SHH: variants seen among roughly 807,000 people sequenced by gnomAD.
SHH encodes sonic hedgehog signaling molecule.
SHH carries 3 observed loss-of-function variants against 16.6 expected under a neutral mutation model. That is an observed-to-expected ratio of 0.18 (90% confidence interval 0.08 to 0.47). SHH has a LOEUF of 0.47. Ranked by LOEUF, SHH falls within the 20% of genes least tolerant of loss-of-function variation. The pLI, the probability that SHH is intolerant of heterozygous loss-of-function variation, is 0.98. For synonymous variants in SHH, 351 were observed against 316.2 expected, an observed-to-expected ratio of 1.11 and a Z score of -1.17; for missense variants, 499 against 665.0, an observed-to-expected ratio of 0.75 and a Z score of 2.75.
At position 155,803,495 on chromosome 7, in the gene SHH, A is replaced by G; in HGVS notation, c.794T>C (p.Leu265Pro). The change falls in exon 3 of 3, where the codon CTG becomes CCG. Residue 265 changes from leucine to proline, a missense_variant. Around this residue, in one of 4 missense-constraint regions of SHH, gnomAD observed 114 missense variants for 200.4 expected, o/e 0.57. Coordinates refer to ENST00000297261, the MANE Select transcript of SHH (RefSeq NM_000193.4). ...IETREPRERLLLTAAHLLFVA... is the reference protein window; with the variant it reads ...IETREPRERLPLTAAHLLFVA... ...AAAGAGCAGGTGCGCGGCGGTGAGC[A>G]GCAGGCGCTCGCGCGGCTCCCGCGT... 1 of 1,572,656 alleles carries G rather than the reference A, an allele frequency of 6.4e-7. No homozygotes were observed. The highest frequency in any genetic ancestry group is 8.6e-7 in the Non-Finnish European group (1 of 1,164,070).
chr7:155,803,111 G>C lies in SHH; in HGVS notation c.1178C>G (p.Ala393Gly), dbSNP rs751239867. 6.5e-5 allele frequency: 87 copies of C among 1,348,630 alleles called. No homozygotes were observed. The Middle Eastern group carries it at 1.4e-3, about 21-fold the overall frequency. The allele number at this position is 1,348,630 out of a possible 1,614,324, so 83.5% of individuals were successfully genotyped here. ...AHALLAALAP[A>G]RTDRGGDSGG... ...GCTGTCCCCGCCGCGGTCCGTGCGC[G>C]CGGGCGCCAGTGCAGCCAGGAGCGC... The change falls in exon 3 of 3, where the codon GCG (alanine) becomes GGG (glycine). Residue 393 changes from alanine to glycine, a missense_variant. By Grantham distance (60) the Ala-to-Gly change is moderately conservative (BLOSUM62 0). Around this residue, in one of 4 missense-constraint regions of SHH, gnomAD observed 299 missense variants for 301.1 expected, o/e 0.99. Coordinates refer to ENST00000297261, the MANE Select transcript of SHH (RefSeq NM_000193.4).
Position 155,803,317 on chromosome 7 carries a change from G to A in SHH, c.972C>T (p.Asp324=), listed in dbSNP as rs765693103. ...GCACAGCGGCGGGCAGGAGCCGGCG[G>A]TCCCCGTCACGCTCGGCCACCACGT... The part of the protein sequence containing the change: ...RVYVVAERDG[D]RRLLPAAVHS... Residue 324 remains aspartate, a synonymous_variant, in exon 3 of 3, where the codon GAC becomes GAT. Transcript: ENST00000297261. 2.5e-5 allele frequency: 37 copies of A among 1,476,782 alleles called. No homozygotes were observed. In the South Asian group the frequency reaches 4.6e-4, roughly 19 times the overall value. 91.5% of individuals were successfully genotyped at this position (1,476,782 alleles called of 1,614,324 possible).
At chr7:155,805,756 G>A (rs975184557) in intron 2 of SHH, among the ~76,000 whole-genome samples, 1 of 152,206 alleles carries the variant, frequency 6.6e-6, no homozygotes, top group African/African-American at 2.4e-5. Context: ...GCCTCCAGAT[G>A]CTGGAGGTGG....
In SHH at chr7:155,800,887, C is replaced by A. The variant is rs999231618; in HGVS notation, c.*2013G>T. ...AGTCTGTTCACTCCTGTTCCCTAAG[C>A]CTGGACCACCTTCTACACAGGCTGC... On this transcript the variant is annotated 3_prime_UTR_variant, in exon 3 of 3. Transcript: ENST00000297261. 3.2e-5 allele frequency: 10 copies of A among 311,552 alleles called. No homozygotes were observed. The Admixed American group carries it at 4.1e-4, about 13-fold the overall frequency. The allele number at this position is 311,552 out of a possible 1,614,324, so 19.3% of individuals were successfully genotyped here.
rs981481814 is a variant in SHH, at chr7:155,800,659, G to C, written c.*2241C>G. 8.5e-6 allele frequency: 4 copies of C among 470,420 alleles called. No homozygotes were observed. Among genetic ancestry groups the C allele is most frequent in the Non-Finnish European group, 1.8e-5 (4 of 227,022 alleles). 29.1% of individuals were successfully genotyped at this position (470,420 alleles called of 1,614,324 possible). ...GATTGTAAACACCAGCCTGGAACCT[G>C]CTGACCACCTAGAACACCAAAGAAA... On this transcript the variant is annotated 3_prime_UTR_variant, in exon 3 of 3. Transcript: ENST00000297261.
rs1437447126 is a variant in SHH at position 155,800,530 on chromosome 7, C to T, written c.*2370G>A. On this transcript the variant is annotated 3_prime_UTR_variant, in exon 3 of 3. Coordinates refer to ENST00000297261, the MANE Select transcript of SHH (RefSeq NM_000193.4). The stretch of plus-strand genomic sequence containing the variant: ...ACGGCCACATTGCCAGGTCTGTCTA[C>T]ACAGCCAGAGGAGCTGCTGTGCCCG... 4 of 470,646 alleles carry T rather than the reference C, an allele frequency of 8.5e-6. No homozygotes were observed. The highest frequency in any genetic ancestry group is 7.0e-5 in the Admixed American group (3 of 42,590). 29.2% of individuals were successfully genotyped at this position (470,646 alleles called of 1,614,324 possible). A position where few individuals can be genotyped will look rare whatever the true frequency, so the allele number is the denominator to read the frequency against.
chr7:155,810,998 C>G (rs1363891806), intron 1 of SHH, among the ~76,000 whole-genome samples: 1 of 152,182 alleles, frequency 6.6e-6, no homozygotes, highest in African/African-American at 2.4e-5. Flanking sequence ...TTCCCCTCCC[C>G]CCACACTAAT....
chr7:155,812,350 G>A lies in SHH; in HGVS notation c.-228C>T. 1.7e-6 allele frequency: 1 copy of A among 593,934 alleles called. No homozygotes were observed. Among genetic ancestry groups the A allele is most frequent in the Admixed American group, 2.9e-5 (1 of 34,308 alleles). 36.8% of individuals were successfully genotyped at this position (593,934 alleles called of 1,614,324 possible). A position where few individuals can be genotyped will look rare whatever the true frequency, so the allele number is the denominator to read the frequency against. On this transcript the variant is annotated 5_prime_UTR_variant, in exon 1 of 3. Transcript: ENST00000297261. ...CCGCTCCCCACCCAGACAGGGGCTG[G>A]AATGGCAGGCTGCCGGCCGCTGATA...
chr7:155,800,713 G>A lies in SHH; in HGVS notation c.*2187C>T, dbSNP rs1026664099. 1 of 459,842 alleles carries A rather than the reference G, an allele frequency of 2.2e-6. No individual in the cohort carries two copies. The highest frequency in any genetic ancestry group is 2.4e-5 in the Admixed American group (1 of 41,496). The allele number at this position is 459,842 out of a possible 1,614,324, so 28.5% of individuals were successfully genotyped here. A position where few individuals can be genotyped will look rare whatever the true frequency, so the allele number is the denominator to read the frequency against. On this transcript the variant is annotated 3_prime_UTR_variant, in exon 3 of 3. Coordinates refer to ENST00000297261, the MANE Select transcript of SHH (RefSeq NM_000193.4). ...CTTTTACAGAAAAAGGCTGAGGACT[G>A]CTCCTGAGGAGAGGGCTCCAGAGGC... is the stretch of plus-strand genomic sequence containing the variant.
intron 2 of SHH, among the ~76,000 whole-genome samples, chr7:155,805,649 C>T (rs1332506603): frequency 6.6e-6 from 1 of 152,210 alleles, no homozygotes; most frequent in Admixed American, 6.5e-5. Flanking sequence ...CCAGAGAAGA[C>T]AGCCTCGCGC....
chr7:155,805,167 G>C, intron 2 of SHH, among the ~76,000 whole-genome samples: 1 of 151,970 alleles, frequency 6.6e-6, no homozygotes, highest in East Asian at 2.0e-4. Flanking sequence ...CCGCTAGGGG[G>C]ACCCCGCGGG....
Position 155,803,007 on chromosome 7 carries a change from C to CTA in SHH, c.1281_1282insTA (p.Ala428Ter). On this transcript the variant is annotated frameshift_variant, in exon 3 of 3. Coordinates refer to ENST00000297261, the MANE Select transcript of SHH (RefSeq NM_000193.4). LOFTEE classifies it low-confidence loss of function (END_TRUNC). ...GAGTACCAGTGGATGCCCGCGGTGG[C>CTA]CCCCGCACCCGGAGCGTCGGCAGCA... The CTA allele has an allele frequency of 6.4e-7, 1 of 1,564,998 alleles. No individual in the cohort carries two copies. Among genetic ancestry groups the CTA allele is most frequent in the Non-Finnish European group, 8.6e-7 (1 of 1,157,704 alleles).
chr7:155,808,218 C>G (rs1803416346), intron 1 of SHH, among the ~76,000 whole-genome samples: 1 of 152,152 alleles, frequency 6.6e-6, no homozygotes, highest in South Asian at 2.1e-4. Flanking sequence ...GAGGATTGAA[C>G]GCGTTTTACA....
In SHH at chr7:155,809,984, C is replaced by T. The variant is rs1803468684; in HGVS notation, c.300+1839G>A. Among the ~76,000 whole-genome samples the T allele has an allele frequency of 6.6e-6, 1 of 151,888 alleles. No homozygotes were observed. Among genetic ancestry groups the T allele is most frequent in the Non-Finnish European group, 1.5e-5 (1 of 67,920 alleles). On this transcript the variant is annotated intron_variant, in intron 1 of 2. Transcript: ENST00000297261. The surrounding 1 kb of genome is among the most constrained non-coding windows in gnomAD (Gnocchi z 6.1). ...CCCTGCGCGGGCGCCCCCATCTCCG[C>T]GCCCCCGCCGCCGGGGACACTACAG...
At chr7:155,811,676 G>A (rs533230675) in intron 1 of SHH, 147 bp downstream of exon 1, 8 of 828,174 alleles carry the variant, frequency 9.7e-6, no homozygotes, top group South Asian at 4.1e-5. Context: ...AGGAAGAGAT[G>A]GGGGGCGGGC....
Position 155,802,860 on chromosome 7 carries a change from G to GGCCCC in SHH, c.*39_*40insGGGGC. ...TGCTTTGCGTTGCTGTTGCTGCCCC[G>GGCCCC]CCCCGCCCCCTCCCGCGCCCCTCCC... is the stretch of plus-strand genomic sequence containing the variant. On this transcript the variant is annotated 3_prime_UTR_variant, in exon 3 of 3. Coordinates refer to ENST00000297261, the MANE Select transcript of SHH (RefSeq NM_000193.4). 8 of 313,070 alleles carry GGCCCC rather than the reference G, an allele frequency of 2.6e-5. No homozygotes were observed. Among genetic ancestry groups the GGCCCC allele is most frequent in the East Asian group, 8.4e-5 (1 of 11,912 alleles). The allele number at this position is 313,070 out of a possible 1,614,324, so 19.4% of individuals were successfully genotyped here.
chr7:155,803,020 A>G lies in SHH; in HGVS notation c.1269T>C (p.Ala423=). 1 of 1,548,612 alleles carries G rather than the reference A, an allele frequency of 6.5e-7. No homozygotes were observed. Among genetic ancestry groups the G allele is most frequent in the Non-Finnish European group, 8.7e-7 (1 of 1,148,868 alleles). The part of the protein sequence containing the change: ...VALTAPGAAD[A]PGAGATAGIH... ...TGCCCGCGGTGGCCCCCGCACCCGGAGCGTCGGCAGCACCTGGAGCGGTTA... is the reference window on the plus strand; with the variant it reads ...TGCCCGCGGTGGCCCCCGCACCCGGGGCGTCGGCAGCACCTGGAGCGGTTA... The change falls in exon 3 of 3, where the codon GCT becomes GCC. Residue 423 remains alanine (A), a synonymous_variant. Transcript: ENST00000297261.
Position 155,809,781 on chromosome 7 carries a change from G to C in SHH, c.300+2042C>G, listed in dbSNP as rs1463514470. On this transcript the variant is annotated intron_variant, in intron 1 of 2. Transcript: ENST00000297261. The surrounding 1 kb of genome is among the most constrained non-coding windows in gnomAD (Gnocchi z 6.1). Reference sequence around the variant, plus strand: ...TGCCTGTGCGCGCGGCGGCGAGAGTGGCCGGGCGCGGGGCCGCTGGGCCCT... The same window carrying C: ...TGCCTGTGCGCGCGGCGGCGAGAGTCGCCGGGCGCGGGGCCGCTGGGCCCT... Among the ~76,000 whole-genome samples, 1 of 151,900 alleles carries C rather than the reference G, an allele frequency of 6.6e-6. No individual in the cohort carries two copies. The highest frequency in any genetic ancestry group is 1.5e-5 in the Non-Finnish European group (1 of 67,920).
At chr7:155,808,270 T>G (rs1198586804) in intron 1 of SHH, among the ~76,000 whole-genome samples, 1 of 151,478 alleles carries the variant, frequency 6.6e-6, no homozygotes, top group Non-Finnish European at 1.5e-5. Flanking sequence ...AGAGCTATGA[T>G]GTGAGGCCCG....
Sources: allele counts gnomAD v4.1 joint callset (sites outside exome capture counted in the v4.1 genomes callset), GRCh38; gene constraint gnomAD v4.1.1; regional missense constraint gnomAD v4.1.1; non-coding constraint Gnocchi (gnomAD v3.1); transcripts MANE v1.5; gene names NCBI Gene and HGNC (gene_info 2026-07-23, HGNC 2026-07-21).